SCFD2: variants seen among roughly 807,000 people sequenced by gnomAD.
The protein encoded by SCFD2 is sec1 family domain-containing protein 2.
A neutral mutation model predicts 58.9 loss-of-function variants in SCFD2; 54 were observed. That is an observed-to-expected ratio of 0.92 (90% CI 0.74 to 1.15). SCFD2 has a LOEUF of 1.15. SCFD2 is among the 50% of genes most tolerant of loss of function. SCFD2 has a pLI of 0.00. For missense variants in SCFD2, 805 were observed against 836.6 expected, an observed-to-expected ratio of 0.96 and a Z score of 0.47; for synonymous variants, 321 against 335.9, an observed-to-expected ratio of 0.96 and a Z score of 0.49.
At chr4:53,166,299 A>G (rs1727006175) in intron 4 of SCFD2, among the ~76,000 whole-genome samples, 1 of 152,266 alleles carries the variant, frequency 6.6e-6, no homozygotes. Flanking sequence ...ATATAAAGAA[A>G]AAAACAGGAG....
intron 1 of SCFD2, among the ~76,000 whole-genome samples, chr4:53,356,881 C>A (rs1337985022): frequency 6.6e-6 from 1 of 151,896 alleles, no homozygotes; most frequent in Non-Finnish European, 1.5e-5. Flanking sequence ...GGACTACAGG[C>A]GCCTGCCACC....
rs371586227 is a variant in SCFD2, at chr4:53,344,145, A to G, written c.1007+8453T>C. Among the ~76,000 whole-genome samples the G allele has an allele frequency of 7.9e-5, 12 of 151,796 alleles. 1 individual carries two copies. In the East Asian group the frequency reaches 1.6e-3, roughly 20 times the overall value. On this transcript the variant is annotated intron_variant, in intron 2 of 8. Transcript: ENST00000401642. The stretch of plus-strand genomic sequence containing the variant: ...AATAAAGGATATTCAATTAGGAAAA[A>G]AGGAAGTCAAATTGTCTCTGTTTGC...
chr4:53,121,090 C>G (rs1038713142), intron 5 of SCFD2, among the ~76,000 whole-genome samples: 5 of 151,296 alleles, frequency 3.3e-5, no homozygotes, highest in Non-Finnish European at 5.9e-5. Flanking sequence ...ATCTTGAGTT[C>G]CTGTTTACAA....
intron 5 of SCFD2, among the ~76,000 whole-genome samples, chr4:52,970,637 AATGTCCCTGTCTGAC>A (rs2109551264): frequency 6.6e-6 from 1 of 152,324 alleles, no homozygotes; most frequent in South Asian, 2.1e-4. Flanking sequence ...TGCAGACTTA[AATGTCCCTGTCTGAC>A]AGCTTTGAAG....
chr4:52,913,111 A>G (rs1719523210), intron 6 of SCFD2, among the ~76,000 whole-genome samples: 1 of 152,098 alleles, frequency 6.6e-6, no homozygotes. Context: ...TTTATTCCTT[A>G]TATCTCTGGA....
rs115329094 is a variant in SCFD2 at position 53,292,580 on chromosome 4, G to T, written c.1136-18579C>A. ...ATGTTGGTGAGGCTGCAGAGAAAAA[G>T]GAACACTTTTACACTCTTGGTAGGT... On this transcript the variant is annotated intron_variant, in intron 3 of 8. Coordinates refer to ENST00000401642, the MANE Select transcript of SCFD2 (RefSeq NM_152540.4). 7.7e-3 allele frequency among the ~76,000 whole-genome samples: 1,168 copies of T among 152,264 alleles called. 18 individuals carry two copies. Among genetic ancestry groups the T allele is most frequent in the African/African-American group, 0.026 (1,089 of 41,544 alleles).
At chr4:53,214,120 G>C (rs1424841450) in intron 4 of SCFD2, among the ~76,000 whole-genome samples, 1 of 152,056 alleles carries the variant, frequency 6.6e-6, no homozygotes, top group Non-Finnish European at 1.5e-5. Context: ...AAACATACGT[G>C]TGCATGTGTC....
At chr4:53,125,926 C>G (rs1017131111) in intron 5 of SCFD2, among the ~76,000 whole-genome samples, 3 of 152,118 alleles carry the variant, frequency 2.0e-5, no homozygotes, top group African/African-American at 7.2e-5. Flanking sequence ...GAAAGGACTA[C>G]AGAAGCTGGC....
intron 4 of SCFD2, among the ~76,000 whole-genome samples, chr4:53,227,787 G>A (rs1729271218): frequency 6.6e-6 from 1 of 152,070 alleles, no homozygotes. Context: ...AATTATTTCT[G>A]CAAAAAATCA....
chr4:52,964,559 T>C (rs562474938), intron 5 of SCFD2, among the ~76,000 whole-genome samples: 1 of 152,300 alleles, frequency 6.6e-6, no homozygotes, highest in South Asian at 2.1e-4. Flanking sequence ...GCTAAGTGTC[T>C]TGAATTTTGA....
At chr4:52,874,108 A>C in intron 8 of SCFD2, 47 bp from the exon 9 acceptor site, 1 of 1,214,798 alleles carries the variant, frequency 8.2e-7, no homozygotes, top group Non-Finnish European at 1.2e-6. Flanking sequence ...TAGGGGGGCC[A>C]ATCTCAGGGT....
At chr4:53,056,732 T>C (rs565960576) in intron 5 of SCFD2, among the ~76,000 whole-genome samples, 1 of 152,142 alleles carries the variant, frequency 6.6e-6, no homozygotes, top group Non-Finnish European at 1.5e-5. Context: ...TGTTTCGACA[T>C]CCCCCACTCT....
chr4:52,891,164 C>T (rs1282438008), intron 7 of SCFD2, among the ~76,000 whole-genome samples: 3 of 152,084 alleles, frequency 2.0e-5, no homozygotes, highest in African/African-American at 7.2e-5. Flanking sequence ...TCCCTCCGAA[C>T]ACTTCACATC....
chr4:53,109,575 A>G (rs1725107805), intron 5 of SCFD2, among the ~76,000 whole-genome samples: 1 of 152,218 alleles, frequency 6.6e-6, no homozygotes, highest in Non-Finnish European at 1.5e-5. Flanking sequence ...TACACCAATA[A>G]TAGAAAAACA....
At chr4:53,300,048 C>T (rs1445939612) in intron 3 of SCFD2, among the ~76,000 whole-genome samples, 2 of 152,026 alleles carry the variant, frequency 1.3e-5, no homozygotes, top group East Asian at 3.9e-4. Flanking sequence ...AACTAACGAG[C>T]AAAAAAACTA....
At chr4:53,356,288 G>A (rs77877760) in intron 1 of SCFD2, among the ~76,000 whole-genome samples, 1 of 152,368 alleles carries the variant, frequency 6.6e-6, no homozygotes, top group Non-Finnish European at 1.5e-5. Context: ...ACCTGGTCTT[G>A]AAAATTACAC....
chr4:53,147,139 C>G (rs917310584), intron 4 of SCFD2, among the ~76,000 whole-genome samples: 1 of 152,080 alleles, frequency 6.6e-6, no homozygotes, highest in African/African-American at 2.4e-5. Context: ...CACAACAGAG[C>G]AAGATACTGT....
At chr4:53,144,636 A>T (rs1384433307) in intron 5 of SCFD2, among the ~76,000 whole-genome samples, 1 of 151,454 alleles carries the variant, frequency 6.6e-6, no homozygotes, top group Non-Finnish European at 1.5e-5. Context: ...ACAGTTTTTA[A>T]AGTTTGAAAT....
chr4:53,169,537 C>A (rs1300843814), intron 4 of SCFD2, among the ~76,000 whole-genome samples: 1 of 152,002 alleles, frequency 6.6e-6, no homozygotes, highest in Non-Finnish European at 1.5e-5. Flanking sequence ...TTCAACATGG[C>A]AATTTCGTTT....
Sources: gnomAD v4.1 joint callset for allele counts (sites outside exome capture counted in the v4.1 genomes callset) on GRCh38, gnomAD v4.1.1 for gene constraint, MANE v1.5 for transcripts, NCBI Gene and HGNC (gene_info 2026-07-23, HGNC 2026-07-21) for gene names.